HOPX: variants seen among roughly 807,000 people sequenced by gnomAD.
HOPX encodes the protein HOP homeobox.
A neutral mutation model predicts 11.8 loss-of-function variants in HOPX; 5 were observed. That is an observed-to-expected ratio of 0.43 (90% CI 0.22 to 0.89). HOPX has a LOEUF of 0.89. Among genes scored for constraint, HOPX ranks in the 40% least tolerant of loss-of-function variants. The probability of loss-of-function intolerance (pLI) is 0.28; values close to 1 mark genes in which losing one functional copy is unlikely to be tolerated. For missense variants in HOPX, 119 were observed against 120.0 expected (o/e 0.99, Z 0.04); for synonymous variants, 49 against 49.7 (o/e 0.99, Z 0.06).
rs760646497 is a variant in HOPX at position 56,656,045 on chromosome 4, G to A, written c.43-33C>T. 4.6e-6 allele frequency: 7 copies of A among 1,524,820 alleles called. No homozygotes were observed. In the African/African-American group the frequency reaches 8.6e-5, roughly 19 times the overall value. The allele number at this position is 1,524,820 out of a possible 1,614,324, so 94.5% of individuals were successfully genotyped here. A position where few individuals can be genotyped will look rare whatever the true frequency, so the allele number is the denominator to read the frequency against. On this transcript the variant is annotated intron_variant, in intron 2 of 3. Transcript: ENST00000420433. ...GCAGGGAGAAGCGGCGGCGGTGAGC[G>A]AGGCGTGGAGCGGGCGGGACGCAGC...
intron 1 of HOPX, among the ~76,000 whole-genome samples, chr4:56,675,091 T>C (rs570663671): frequency 6.6e-6 from 1 of 151,658 alleles, no homozygotes; most frequent in Admixed American, 6.5e-5. Context: ...GCACCTGACC[T>C]TGTGATGAAC....
At chr4:56,677,614 G>A (rs958201941) in intron 1 of HOPX, among the ~76,000 whole-genome samples, 1 of 151,590 alleles carries the variant, frequency 6.6e-6, no homozygotes, top group African/African-American at 2.4e-5. Context: ...GGATTGAAGG[G>A]GAGGTAAAAA....
intron 3 of HOPX, among the ~76,000 whole-genome samples, chr4:56,651,539 G>A (rs1717169805): frequency 6.6e-6 from 1 of 152,112 alleles, no homozygotes; most frequent in Non-Finnish European, 1.5e-5. Flanking sequence ...GCTTATAAAT[G>A]AATGCCCTCA....
At chr4:56,655,248 G>T (rs1328894125) in intron 3 of HOPX, among the ~76,000 whole-genome samples, 1 of 152,176 alleles carries the variant, frequency 6.6e-6, no homozygotes, top group Non-Finnish European at 1.5e-5. Context: ...AAATCTCCGT[G>T]GCTTCGTGCA....
chr4:56,670,250 C>A (rs2109536729), intron 1 of HOPX, among the ~76,000 whole-genome samples: 1 of 152,166 alleles, frequency 6.6e-6, no homozygotes, highest in African/African-American at 2.4e-5. Flanking sequence ...CTTTTCAAAC[C>A]AGGTAATAGA....
At chr4:56,667,348 G>C (rs1330488967) in intron 1 of HOPX, among the ~76,000 whole-genome samples, 1 of 152,146 alleles carries the variant, frequency 6.6e-6, no homozygotes, top group African/African-American at 2.4e-5. Flanking sequence ...CAATTTGTTT[G>C]ACAAATCTAG....
At chr4:56,670,812 C>A (rs1170376598) in intron 1 of HOPX, among the ~76,000 whole-genome samples, 1 of 152,140 alleles carries the variant, frequency 6.6e-6, no homozygotes, top group African/African-American at 2.4e-5. Context: ...GCCTGACCAA[C>A]ATGGTGAAAC....
intron 1 of HOPX, among the ~76,000 whole-genome samples, chr4:56,673,281 G>A (rs1718834551): frequency 6.6e-6 from 1 of 152,094 alleles, no homozygotes; most frequent in African/African-American, 2.4e-5. Context: ...AAGAAAGAGA[G>A]AAAAGAGGGA....
At chr4:56,672,836 A>G (rs1410099928) in intron 1 of HOPX, 1 of 152,150 alleles carries the variant, frequency 6.6e-6, no homozygotes, top group Non-Finnish European at 1.5e-5. Context: ...AAAAGAAAAG[A>G]AAATTATATT....
At chr4:56,660,975 G>T (rs999512325) in intron 1 of HOPX, among the ~76,000 whole-genome samples, 1 of 151,916 alleles carries the variant, frequency 6.6e-6, no homozygotes, top group African/African-American at 2.4e-5. Context: ...TTTTTTAGAG[G>T]CAGGGTCTCG....
At position 56,655,842 on chromosome 4, in the gene HOPX, C is replaced by T. The variant is rs374771799; in HGVS notation, c.198+15G>A. Reference sequence around the variant, plus strand: ...GGCAGGGGTCGGGGCGCGCTGGGCGCGTGTGGGGACGCACCTGGGTCTCCT... The same window carrying T: ...GGCAGGGGTCGGGGCGCGCTGGGCGTGTGTGGGGACGCACCTGGGTCTCCT... On this transcript the variant is annotated intron_variant, in intron 3 of 3. Transcript: ENST00000420433. 31 of 1,608,218 alleles carry T rather than the reference C, an allele frequency of 1.9e-5. No individual in the cohort carries two copies. Among genetic ancestry groups the T allele is most frequent in the Non-Finnish European group, 2.6e-5 (31 of 1,177,706 alleles).
At chr4:56,672,553 A>G (rs1718795799) in intron 1 of HOPX, 1 of 151,476 alleles carries the variant, frequency 6.6e-6, no homozygotes, top group Non-Finnish European at 1.5e-5. Flanking sequence ...AAAAAAAAAG[A>G]AAAGAAAGAA....
chr4:56,677,651 G>A (rs1719084196), intron 1 of HOPX, among the ~76,000 whole-genome samples: 1 of 151,630 alleles, frequency 6.6e-6, no homozygotes, highest in South Asian at 2.1e-4. Context: ...CCAGGGTGGA[G>A]CCGGTGAGGC....
At chr4:56,667,833 C>G (rs890635446) in intron 1 of HOPX, among the ~76,000 whole-genome samples, 4 of 152,172 alleles carry the variant, frequency 2.6e-5, no homozygotes, top group African/African-American at 9.7e-5. Context: ...TATTCTCTAC[C>G]TAAGTGAGAA....
chr4:56,665,783 T>A (rs1043894530), intron 1 of HOPX: 1 of 152,182 alleles, frequency 6.6e-6, no homozygotes, highest in African/African-American at 2.4e-5. Context: ...GAAACTTATA[T>A]ACCCTTCCCA....
chr4:56,663,043 G>C (rs940235645), intron 1 of HOPX: 1 of 152,078 alleles, frequency 6.6e-6, no homozygotes, highest in Non-Finnish European at 1.5e-5. Context: ...TTGACATTAG[G>C]CAATAAAGAT....
rs1392031799 is a variant in HOPX at position 56,669,687 on chromosome 4, TAA to T, written c.-84+11566_-84+11567del. ...ATAATAATAATAATAATAATAATAA[TAA>T]TAATAATAATAATAACACCAGTACA... On this transcript the variant is annotated intron_variant, in intron 1 of 3. Coordinates refer to ENST00000420433, the MANE Select transcript of HOPX (RefSeq NM_032495.6). Among the ~76,000 whole-genome samples, 209 of 150,040 alleles carry T rather than the reference TAA, an allele frequency of 1.4e-3. 1 individual carries two copies. The highest frequency in any genetic ancestry group is 4.9e-3 in the African/African-American group (198 of 40,736).
chr4:56,663,395 G>C (rs917586466), intron 1 of HOPX: 2 of 152,120 alleles, frequency 1.3e-5, no homozygotes, highest in African/African-American at 2.4e-5. Context: ...ATCAGGTTTG[G>C]TTTTTGATGG....
At chr4:56,676,780 C>T (rs1719037961) in intron 1 of HOPX, among the ~76,000 whole-genome samples, 1 of 151,668 alleles carries the variant, frequency 6.6e-6, no homozygotes, top group South Asian at 2.1e-4. Context: ...CTGCTCTGGG[C>T]TCCGACTGCC....
Sources: allele counts gnomAD v4.1 joint callset (sites outside exome capture counted in the v4.1 genomes callset), GRCh38; gene constraint gnomAD v4.1.1; transcripts MANE v1.5; gene names NCBI Gene and HGNC (gene_info 2026-07-23, HGNC 2026-07-21).